The following MRPL42 variants were observed in gnomAD, a reference collection of about 807,000 sequenced individuals.
MRPL42 encodes mitochondrial ribosomal protein L42.
Under a neutral mutation model 17.9 loss-of-function variants are expected in MRPL42, and 17 were observed. The ratio of observed to expected loss-of-function variants is 0.95; its 90% CI spans 0.65 to 1.42. The LOEUF is 1.42. Ranked by LOEUF, MRPL42 falls within the 40% of genes most tolerant of loss-of-function variation. The pLI, the probability that MRPL42 is intolerant of heterozygous loss-of-function variation, is 0.00. For synonymous variants in MRPL42, 59 were observed against 54.4 expected, an observed-to-expected ratio of 1.08 and a Z score of -0.37; for missense variants, 177 against 175.2, an observed-to-expected ratio of 1.01 and a Z score of -0.06.
chr12:93,483,938 T>C lies in MRPL42; in HGVS notation c.220-3559T>C, dbSNP rs1014886874. On this transcript the variant is annotated intron_variant, in intron 4 of 5. Transcript: ENST00000549982. ...ATTTTTGTTTGCACTTTTTAAACTT[T>C]TTTTGTGAGAACTAAGACACAAACA... Among the ~76,000 whole-genome samples the C allele has an allele frequency of 5.3e-5, 8 of 152,170 alleles. No individual in the cohort carries two copies. In the East Asian group the frequency reaches 1.3e-3, roughly 26 times the overall value.
chr12:93,471,827 T>A (rs1356454911), intron 2 of MRPL42, among the ~76,000 whole-genome samples: 1 of 152,208 alleles, frequency 6.6e-6, no homozygotes, highest in African/African-American at 2.4e-5. Context: ...AGGAGCATTT[T>A]TGTTGTTGAG....
At position 93,504,008 on chromosome 12, in the gene MRPL42, T is replaced by C. The variant is rs1179868951; in HGVS notation, c.*2787T>C. 1 of 153,260 alleles carries C rather than the reference T, an allele frequency of 6.5e-6. No individual in the cohort carries two copies. The highest frequency in any genetic ancestry group is 1.5e-5 in the Non-Finnish European group (1 of 67,944). 9.5% of individuals were successfully genotyped at this position (153,260 alleles called of 1,614,324 possible). On this transcript the variant is annotated 3_prime_UTR_variant, in exon 6 of 6. Coordinates refer to ENST00000549982, the MANE Select transcript of MRPL42 (RefSeq NM_014050.4). Reference sequence around the variant, plus strand: ...TTTTTTTAAATTTATTTCTTCTTTTTTTTTTCTTATAATCTCATCAGAAGC... The same window carrying C: ...TTTTTTTAAATTTATTTCTTCTTTTCTTTTTCTTATAATCTCATCAGAAGC...
At position 93,513,587 on chromosome 12, in the gene MRPL42, TGAA is replaced by T. The variant is rs1395228411; in HGVS notation, c.*12370_*12372del. 2 of 152,216 alleles carry T rather than the reference TGAA, an allele frequency of 1.3e-5. No individual in the cohort carries two copies. Among genetic ancestry groups the T allele is most frequent in the East Asian group, 3.8e-4 (2 of 5,204 alleles). The allele number at this position is 152,216 out of a possible 1,614,324, so 9.4% of individuals were successfully genotyped here. ...TTCAATTATAATCTTCAGTTATAAT[TGAA>T]GAATGACAAAAAGTTGAGTTATAGA... On this transcript the variant is annotated 3_prime_UTR_variant, in exon 6 of 6. Coordinates refer to ENST00000549982, the MANE Select transcript of MRPL42 (RefSeq NM_014050.4).
chr12:93,472,759 G>T (rs530913945), intron 2 of MRPL42, among the ~76,000 whole-genome samples: 1 of 152,230 alleles, frequency 6.6e-6, no homozygotes, highest in South Asian at 2.1e-4. Context: ...TTCCCAAATG[G>T]TCAGTCAGCC....
chr12:93,515,711 A>G lies in MRPL42; in HGVS notation c.*14490A>G, dbSNP rs187497047. ...GGAATGGCAGAGAGTGATTAATGAA[A>G]AAGCGGGGAGAAAAGCTGCTCTTGA... On this transcript the variant is annotated 3_prime_UTR_variant, in exon 6 of 6. Transcript: ENST00000549982. 6.6e-6 allele frequency: 1 copy of G among 152,214 alleles called. No homozygotes were observed. The highest frequency in any genetic ancestry group is 1.5e-5 in the Non-Finnish European group (1 of 68,048). The allele number at this position is 152,214 out of a possible 1,614,324, so 9.4% of individuals were successfully genotyped here. A position where few individuals can be genotyped will look rare whatever the true frequency, so the allele number is the denominator to read the frequency against.
intron 4 of MRPL42, among the ~76,000 whole-genome samples, chr12:93,480,386 G>T (rs367946490): frequency 6.6e-6 from 1 of 151,986 alleles, no homozygotes; most frequent in East Asian, 1.9e-4. Flanking sequence ...CTCCCAAAGC[G>T]CTGGGATTAC....
intron 4 of MRPL42, among the ~76,000 whole-genome samples, chr12:93,487,028 A>C (rs1411317618): frequency 6.6e-6 from 1 of 151,904 alleles, no homozygotes; most frequent in African/African-American, 2.4e-5. Context: ...GGAGCACAGT[A>C]GTGTGATCAC....
rs1953671776 is a variant in MRPL42 at position 93,506,451 on chromosome 12, G to A, written c.*5230G>A. 6.6e-6 allele frequency: 1 copy of A among 151,828 alleles called. No homozygotes were observed. Among genetic ancestry groups the A allele is most frequent in the Non-Finnish European group, 1.5e-5 (1 of 68,058 alleles). The allele number at this position is 151,828 out of a possible 1,614,324, so 9.4% of individuals were successfully genotyped here. ...CGGCTAATTTTTTGTATTTAGTAGA[G>A]ATGGGGTTTCTCCATGTTGGTCAGG... On this transcript the variant is annotated 3_prime_UTR_variant, in exon 6 of 6. Coordinates refer to ENST00000549982, the MANE Select transcript of MRPL42 (RefSeq NM_014050.4).
In MRPL42 at chr12:93,501,940, T is replaced by C. The variant is rs1953602499; in HGVS notation, c.*719T>C. 8.0e-6 allele frequency: 1 copy of C among 124,628 alleles called. No individual in the cohort carries two copies. The highest frequency in any genetic ancestry group is 1.9e-5 in the Non-Finnish European group (1 of 53,278). The allele number at this position is 124,628 out of a possible 1,614,324, so 7.7% of individuals were successfully genotyped here. ...CTGCTAGGCCCCTTCCATCAATTCT[T>C]ATTAAATTCTCAAAATAATCCTTTG... is the stretch of plus-strand genomic sequence containing the variant. On this transcript the variant is annotated 3_prime_UTR_variant, in exon 6 of 6. Coordinates refer to ENST00000549982, the MANE Select transcript of MRPL42 (RefSeq NM_014050.4).
At chr12:93,500,170 T>C (rs1354136411) in intron 5 of MRPL42, among the ~76,000 whole-genome samples, 3 of 152,228 alleles carry the variant, frequency 2.0e-5, no homozygotes, top group Non-Finnish European at 4.4e-5. Flanking sequence ...TATTTTTACA[T>C]GGTTATCATC....
In MRPL42 at chr12:93,512,787, A is replaced by C. The variant is rs1233725915; in HGVS notation, c.*11566A>C. The C allele has an allele frequency of 1.3e-5, 2 of 152,240 alleles. No individual in the cohort carries two copies. The highest frequency in any genetic ancestry group is 2.9e-5 in the Non-Finnish European group (2 of 68,042). The allele number at this position is 152,240 out of a possible 1,614,324, so 9.4% of individuals were successfully genotyped here. A position where few individuals can be genotyped will look rare whatever the true frequency, so the allele number is the denominator to read the frequency against. On this transcript the variant is annotated 3_prime_UTR_variant, in exon 6 of 6. Coordinates refer to ENST00000549982, the MANE Select transcript of MRPL42 (RefSeq NM_014050.4). ...TGCTTTAAGTTTTATTTTCCAACAAAAGAATGTCTACATACGGCAAATTCA... is the reference window on the plus strand; with the variant it reads ...TGCTTTAAGTTTTATTTTCCAACAACAGAATGTCTACATACGGCAAATTCA...
At position 93,513,207 on chromosome 12, in the gene MRPL42, TGAGA is replaced by T. The variant is rs1283840276; in HGVS notation, c.*11992_*11995del. ...AATTTTTTTTTTTTTTTTTTTTTTTTGAGAGAGAGGGTCTCATTCATTTTATTGC... is the reference window on the plus strand; with the variant it reads ...AATTTTTTTTTTTTTTTTTTTTTTTTGAGAGGGTCTCATTCATTTTATTGC... On this transcript the variant is annotated 3_prime_UTR_variant, in exon 6 of 6. Coordinates refer to ENST00000549982, the MANE Select transcript of MRPL42 (RefSeq NM_014050.4). 8 of 143,326 alleles carry T rather than the reference TGAGA, an allele frequency of 5.6e-5. No individual in the cohort carries two copies. Among genetic ancestry groups the T allele is most frequent in the Non-Finnish European group, 1.1e-4 (7 of 65,818 alleles). The allele number at this position is 143,326 out of a possible 1,614,324, so 8.9% of individuals were successfully genotyped here. A position where few individuals can be genotyped will look rare whatever the true frequency, so the allele number is the denominator to read the frequency against.
chr12:93,468,560 A>C (rs889460973), intron 1 of MRPL42, among the ~76,000 whole-genome samples: 1 of 152,206 alleles, frequency 6.6e-6, no homozygotes, highest in African/African-American at 2.4e-5. Context: ...AAGATACCTC[A>C]CATGATTAAT....
intron 4 of MRPL42, 112 bp from the exon 5 acceptor site, chr12:93,487,385 C>G (rs1289798379): frequency 1.1e-6 from 1 of 948,628 alleles, no homozygotes; most frequent in Non-Finnish European, 1.5e-6. Flanking sequence ...TTTGCCCACC[C>G]TAAAGTACTA....
Position 93,502,376 on chromosome 12 carries a change from G to A in MRPL42, c.*1155G>A, listed in dbSNP as rs899832544. The A allele has an allele frequency of 1.3e-5, 2 of 152,168 alleles. No homozygotes were observed. The highest frequency in any genetic ancestry group is 4.8e-5 in the African/African-American group (2 of 41,442). 9.4% of individuals were successfully genotyped at this position (152,168 alleles called of 1,614,324 possible). A position where few individuals can be genotyped will look rare whatever the true frequency, so the allele number is the denominator to read the frequency against. Reference sequence around the variant, plus strand: ...GAAGAATCTTTTAATAAGGTAGAAAGTTGCTTTATTTAAATTTGTACTGTA... The same window carrying A: ...GAAGAATCTTTTAATAAGGTAGAAAATTGCTTTATTTAAATTTGTACTGTA... On this transcript the variant is annotated 3_prime_UTR_variant, in exon 6 of 6. Transcript: ENST00000549982.
intron 5 of MRPL42, among the ~76,000 whole-genome samples, chr12:93,490,410 A>G (rs1953389771): frequency 6.6e-6 from 1 of 152,206 alleles, no homozygotes; most frequent in South Asian, 2.1e-4. Flanking sequence ...TATCCTAATA[A>G]AGAGCTTGGC....
rs1468913481 is a variant in MRPL42, at chr12:93,509,182, C to T, written c.*7961C>T. On this transcript the variant is annotated 3_prime_UTR_variant, in exon 6 of 6. Coordinates refer to ENST00000549982, the MANE Select transcript of MRPL42 (RefSeq NM_014050.4). ...CAGTCTGGGTGATAAAACGAGATTCCGTCTCAAAAAAAAAAAAAAAACTGC... is the reference window on the plus strand; with the variant it reads ...CAGTCTGGGTGATAAAACGAGATTCTGTCTCAAAAAAAAAAAAAAAACTGC... 2.1e-4 allele frequency: 17 copies of T among 80,282 alleles called. No individual in the cohort carries two copies. The highest frequency in any genetic ancestry group is 1.6e-3 in the East Asian group (6 of 3,808). The allele number at this position is 80,282 out of a possible 1,614,324, so 5.0% of individuals were successfully genotyped here.
At chr12:93,485,178 A>G (rs1318587912) in intron 4 of MRPL42, among the ~76,000 whole-genome samples, 1 of 116,740 alleles carries the variant, frequency 8.6e-6, no homozygotes, top group African/African-American at 3.3e-5. Flanking sequence ...TTTTTTTTTA[A>G]TTGACACAGG....
rs1353605814 is a variant in MRPL42, at chr12:93,515,782, C to T, written c.*14561C>T. ...ATTCACAGCTAGGCTATGTTATTTT[C>T]CTATTGGGCATAAGTCTCACAGAAT... On this transcript the variant is annotated 3_prime_UTR_variant, in exon 6 of 6. Coordinates refer to ENST00000549982, the MANE Select transcript of MRPL42 (RefSeq NM_014050.4). 1 of 152,152 alleles carries T rather than the reference C, an allele frequency of 6.6e-6. No homozygotes were observed. Among genetic ancestry groups the T allele is most frequent in the African/African-American group, 2.4e-5 (1 of 41,430 alleles). The allele number at this position is 152,152 out of a possible 1,614,324, so 9.4% of individuals were successfully genotyped here. A position where few individuals can be genotyped will look rare whatever the true frequency, so the allele number is the denominator to read the frequency against.
Sources: allele counts gnomAD v4.1 joint callset (sites outside exome capture counted in the v4.1 genomes callset), GRCh38; gene constraint gnomAD v4.1.1; transcripts MANE v1.5; gene names NCBI Gene and HGNC (gene_info 2026-07-23, HGNC 2026-07-21).